Variants in PDE7B observed in about 807,000 individuals in gnomAD.
PDE7B encodes phosphodiesterase 7B.
In PDE7B, 29 loss-of-function variants were observed where a neutral mutation model predicts 56.2. The ratio of observed to expected loss-of-function variants is 0.52; its 90% CI spans 0.38 to 0.70. The LOEUF is 0.70. PDE7B is among the 30% of genes least tolerant of loss of function. PDE7B has a pLI of 0.00. For missense variants in PDE7B, 490 were observed against 565.0 expected (o/e 0.87, Z 1.35); for synonymous variants, 197 against 196.9 (o/e 1.00, Z 0.00).
At chr6:135,948,888 T>TAGAC (rs1454554503) in intron 2 of PDE7B, among the ~76,000 whole-genome samples, 26 of 69,454 alleles carry the variant, frequency 3.7e-4, no homozygotes, top group African/African-American at 1.0e-3. Context: ...GATAGATAGA[T>TAGAC]AGATAGATAG....
chr6:135,906,827 T>TTTTTTGTTTTTTTTTTTTTTG lies in PDE7B; in HGVS notation c.22-40632_22-40631insGTTTTTTTTTTTTTTGTTTTT, dbSNP rs1231419195. 3.0e-5 allele frequency among the ~76,000 whole-genome samples: 4 copies of TTTTTTGTTTTTTTTTTTTTTG among 133,540 alleles called. 1 individual carries two copies. The highest frequency in any genetic ancestry group is 6.5e-5 in the Non-Finnish European group (4 of 61,232). 87.6% of individuals were successfully genotyped at this position (133,540 alleles called of 152,430 possible). A position where few individuals can be genotyped will look rare whatever the true frequency, so the allele number is the denominator to read the frequency against. ...TGAGGTTTGTTTTTTTTTTTTTTTT[T>TTTTTTGTTTTTTTTTTTTTTG]TTTTTTTTTAATCCTCTAGGCTTTT... On this transcript the variant is annotated intron_variant, in intron 1 of 12. Coordinates refer to ENST00000308191, the MANE Select transcript of PDE7B (RefSeq NM_018945.4).
chr6:136,123,182 C>T (rs1255821442), intron 3 of PDE7B, among the ~76,000 whole-genome samples: 1 of 152,062 alleles, frequency 6.6e-6, no homozygotes, highest in East Asian at 1.9e-4. Context: ...AAGACTCTAT[C>T]TCTACAAAAA....
intron 3 of PDE7B, among the ~76,000 whole-genome samples, chr6:136,127,853 A>C (rs1778048608): frequency 6.6e-6 from 1 of 152,260 alleles, no homozygotes; most frequent in South Asian, 2.1e-4. Flanking sequence ...GGGTGAACGC[A>C]AAAGAGAAAA....
chr6:136,010,214 C>A (rs139838829), intron 2 of PDE7B, among the ~76,000 whole-genome samples: 2 of 152,006 alleles, frequency 1.3e-5, no homozygotes, highest in African/African-American at 4.8e-5. Flanking sequence ...CATGTAATTG[C>A]ATGGTTTTGA....
intron 2 of PDE7B, chr6:136,038,578 A>G: frequency 8.2e-7 from 1 of 1,223,120 alleles, no homozygotes; most frequent in Non-Finnish European, 1.0e-6. Context: ...TCTGATAACT[A>G]ACTCCCTTTC....
chr6:135,876,870 A>T (rs930802578), intron 1 of PDE7B, among the ~76,000 whole-genome samples: 3 of 152,160 alleles, frequency 2.0e-5, no homozygotes, highest in African/African-American at 7.2e-5. Context: ...AAAAAAAAAA[A>T]AATTCCCATC....
At chr6:135,887,830 G>A (rs924253616) in intron 1 of PDE7B, among the ~76,000 whole-genome samples, 1 of 152,014 alleles carries the variant, frequency 6.6e-6, no homozygotes, top group African/African-American at 2.4e-5. Flanking sequence ...AATCTCATGT[G>A]ACCTTTTCTG....
intron 2 of PDE7B, among the ~76,000 whole-genome samples, chr6:136,088,263 T>G (rs1777325084): frequency 6.6e-6 from 1 of 152,132 alleles, no homozygotes; most frequent in African/African-American, 2.4e-5. Context: ...ATAATATTAC[T>G]ATACCGGGGG....
At chr6:136,040,482 C>T (rs1251253888) in intron 2 of PDE7B, among the ~76,000 whole-genome samples, 1 of 152,182 alleles carries the variant, frequency 6.6e-6, no homozygotes, top group African/African-American at 2.4e-5. Context: ...TGCTGCATTT[C>T]CTCTGAGCAT....
At chr6:136,181,453 C>T in intron 11 of PDE7B, 130 bp downstream of exon 11, 1 of 642,120 alleles carries the variant, frequency 1.6e-6, no homozygotes. Context: ...CCTAACCTTT[C>T]TCTTTTACTC....
intron 1 of PDE7B, among the ~76,000 whole-genome samples, chr6:135,938,214 T>G (rs1774453376): frequency 6.6e-6 from 1 of 152,234 alleles, no homozygotes; most frequent in African/African-American, 2.4e-5. Context: ...CAACACAAAG[T>G]GTCTATGGAC....
At chr6:136,177,758 G>A (rs1779003210) in intron 9 of PDE7B, among the ~76,000 whole-genome samples, 1 of 152,100 alleles carries the variant, frequency 6.6e-6, no homozygotes, top group South Asian at 2.1e-4. Context: ...TCCAATTATT[G>A]CATTCCCAAA....
Position 136,008,684 on chromosome 6 carries a change from T to C in PDE7B, c.82+61160T>C, listed in dbSNP as rs960890018. The stretch of plus-strand genomic sequence containing the variant: ...TCGCCCACTTTTCGATGGGGTTGTT[T>C]GTTTGTTTCTTGTAAATTTGTTGGA... On this transcript the variant is annotated intron_variant, in intron 2 of 12. Coordinates refer to ENST00000308191, the MANE Select transcript of PDE7B (RefSeq NM_018945.4). Among the ~76,000 whole-genome samples, 174 of 152,352 alleles carry C rather than the reference T, an allele frequency of 1.1e-3. 1 individual carries two copies. Among genetic ancestry groups the C allele is most frequent in the African/African-American group, 3.7e-3 (154 of 41,580 alleles).
At chr6:135,897,263 G>GGGGT (rs1775918157) in intron 1 of PDE7B, among the ~76,000 whole-genome samples, 2 of 150,016 alleles carry the variant, frequency 1.3e-5, no homozygotes, top group South Asian at 4.2e-4. Flanking sequence ...ATTGTGTCAG[G>GGGGT]GTGTGTGTGT....
At chr6:136,160,064 G>C (rs1006151129) in intron 8 of PDE7B, among the ~76,000 whole-genome samples, 5 of 151,956 alleles carry the variant, frequency 3.3e-5, no homozygotes, top group African/African-American at 9.7e-5. Context: ...AAGTTGGAAG[G>C]GTTTTGTTTT....
chr6:135,877,262 A>G (rs1368118464), intron 1 of PDE7B, among the ~76,000 whole-genome samples: 2 of 143,322 alleles, frequency 1.4e-5, no homozygotes, highest in African/African-American at 5.1e-5. Context: ...TTTATTTTTT[A>G]TTTTTATTAT....
intron 8 of PDE7B, among the ~76,000 whole-genome samples, chr6:136,167,631 A>G (rs1194749479): frequency 6.6e-6 from 1 of 152,204 alleles, no homozygotes; most frequent in Non-Finnish European, 1.5e-5. Context: ...CAGTAGCATG[A>G]AAACGGACTA....
At chr6:136,155,861 C>A in intron 8 of PDE7B, 103 bp downstream of exon 8, 1 of 1,241,876 alleles carries the variant, frequency 8.1e-7, no homozygotes, top group Non-Finnish European at 1.2e-6. Flanking sequence ...TTTTAGGGTC[C>A]TAGAAGTTCA....
At chr6:136,004,527 A>G (rs1366669448) in intron 2 of PDE7B, among the ~76,000 whole-genome samples, 5 of 152,114 alleles carry the variant, frequency 3.3e-5, no homozygotes, top group Non-Finnish European at 5.9e-5. Context: ...AAATCAATGT[A>G]CAAAAATCAC....
Sources: allele counts gnomAD v4.1 joint callset (sites outside exome capture counted in the v4.1 genomes callset), GRCh38; gene constraint gnomAD v4.1.1; transcripts MANE v1.5; gene names NCBI Gene and HGNC (gene_info 2026-07-23, HGNC 2026-07-21).